Variants in CAMSAP2 observed in about 807,000 individuals in gnomAD.
The protein encoded by CAMSAP2 is calmodulin regulated spectrin associated protein family member 2.
A neutral mutation model predicts 146.1 loss-of-function variants in CAMSAP2; 26 were observed. That is an observed-to-expected ratio of 0.18 (90% confidence interval 0.13 to 0.25). The LOEUF is 0.25. CAMSAP2 is among the 10% of genes least tolerant of loss of function. The pLI, the probability that CAMSAP2 is intolerant of heterozygous loss-of-function variation, is 1.00. For missense variants in CAMSAP2, 1,381 were observed against 1,759.3 expected (o/e 0.78, Z 3.85); for synonymous variants, 499 against 596.6 (o/e 0.84, Z 2.38).
intron 1 of CAMSAP2, 63 bp from the exon 2 acceptor site, chr1:200,760,776 A>G: frequency 8.5e-7 from 1 of 1,179,312 alleles, no homozygotes. Flanking sequence ...ATAATTATTA[A>G]TTAAATTCTA....
chr1:200,793,178 ACT>A (rs1012308230), intron 2 of CAMSAP2, among the ~76,000 whole-genome samples: 53 of 151,948 alleles, frequency 3.5e-4, no homozygotes, highest in Non-Finnish European at 3.4e-4. Flanking sequence ...CATTTCTAAA[ACT>A]CTCTGAGCTT....
intron 2 of CAMSAP2, among the ~76,000 whole-genome samples, chr1:200,785,135 A>G (rs145454327): frequency 0.015 from 2,210 of 152,116 alleles, 29 homozygotes; most frequent in Non-Finnish European, 0.021. Context: ...TCTCTTTTAT[A>G]TATTGTTAGG....
chr1:200,822,438 G>T, intron 4 of CAMSAP2, among the ~76,000 whole-genome samples: 1 of 151,848 alleles, frequency 6.6e-6, no homozygotes. Context: ...TTAAAGAATC[G>T]GGCTATTTTA....
At chr1:200,828,496 T>G in intron 4 of CAMSAP2, 1 of 1,361,830 alleles carries the variant, frequency 7.3e-7, no homozygotes. Flanking sequence ...TACTATAATT[T>G]GTTAATTGAA....
At chr1:200,777,339 AT>A (rs1332805725) in intron 2 of CAMSAP2, among the ~76,000 whole-genome samples, 1 of 152,162 alleles carries the variant, frequency 6.6e-6, no homozygotes, top group African/African-American at 2.4e-5. Context: ...AATGAAAAGG[AT>A]TTAGACTTTT....
Position 200,790,222 on chromosome 1 carries a change from A to G in CAMSAP2, c.400-17154A>G, listed in dbSNP as rs112425187. Among the ~76,000 whole-genome samples, 190 of 152,202 alleles carry G rather than the reference A, an allele frequency of 1.2e-3. 1 individual carries two copies. Among genetic ancestry groups the G allele is most frequent in the African/African-American group, 4.3e-3 (180 of 41,526 alleles). On this transcript the variant is annotated intron_variant, in intron 2 of 16. Transcript: ENST00000358823. ...CCCAGGTCAGTTAGGCTTTGATAGTACCTTAACAGATTAAGCTCTGGTTTA... is the reference window on the plus strand; with the variant it reads ...CCCAGGTCAGTTAGGCTTTGATAGTGCCTTAACAGATTAAGCTCTGGTTTA...
chr1:200,849,440 C>T lies in CAMSAP2; in HGVS notation c.2671C>T (p.Leu891=). 2 of 1,614,194 alleles carry T rather than the reference C, an allele frequency of 1.2e-6. No individual in the cohort carries two copies. Among genetic ancestry groups the T allele is most frequent in the Non-Finnish European group, 1.7e-6 (2 of 1,180,012 alleles). The change falls in exon 11 of 17, where the codon CTG becomes TTG. Residue 891 remains leucine, a synonymous_variant. Transcript: ENST00000358823. This position sits in a 1 kb window ranked among gnomAD's most constrained non-coding sequence, Gnocchi z 6.3. ...ATCCATTGAAAAGTTAAATTCATCCCTGCATTTTCTACAACAAGAAATGCA... is the reference window on the plus strand; with the variant it reads ...ATCCATTGAAAAGTTAAATTCATCCTTGCATTTTCTACAACAAGAAATGCA... The part of the protein sequence containing the change: ...TKSIEKLNSS[L]HFLQQEMQRL...
intron 6 of CAMSAP2, among the ~76,000 whole-genome samples, chr1:200,836,056 A>G (rs933564068): frequency 3.3e-5 from 5 of 151,068 alleles, no homozygotes; most frequent in African/African-American, 1.2e-4. Flanking sequence ...ACTTATTACT[A>G]CCACAGCTTT....
chr1:200,824,260 A>G (rs998643658), intron 4 of CAMSAP2, among the ~76,000 whole-genome samples: 1 of 132,456 alleles, frequency 7.5e-6, no homozygotes, highest in Non-Finnish European at 1.6e-5. Flanking sequence ...GCCCCTCCTT[A>G]TTTAATTTCT....
At position 200,848,928 on chromosome 1, in the gene CAMSAP2, A is replaced by T; in HGVS notation, c.2159A>T (p.Asn720Ile). 1 of 1,614,212 alleles carries T rather than the reference A, an allele frequency of 6.2e-7. No homozygotes were observed. Among genetic ancestry groups the T allele is most frequent in the Non-Finnish European group, 8.5e-7 (1 of 1,180,030 alleles). The change falls in exon 11 of 17, where the codon AAT becomes ATT. Residue 720 changes from asparagine to isoleucine, a missense_variant. Physicochemically the swap from Asn to Ile is moderately radical, Grantham distance 149. Around this residue, in one of 4 missense-constraint regions of CAMSAP2, gnomAD observed 447 missense variants for 462.2 expected, o/e 0.97. Coordinates refer to ENST00000358823, the MANE Select transcript of CAMSAP2 (RefSeq NM_203459.4). ...ACTACACCAGAAGGCTCTGAACTTA[A>T]TATTCCTCATGTGGTTGCTTGGGCA... Reference protein sequence around the residue: ...QKTTPEGSELNIPHVVAWAQI... With the variant: ...QKTTPEGSELIIPHVVAWAQI...
At chr1:200,766,826 T>G (rs1410771649) in intron 2 of CAMSAP2, among the ~76,000 whole-genome samples, 1 of 152,178 alleles carries the variant, frequency 6.6e-6, no homozygotes, top group Non-Finnish European at 1.5e-5. Flanking sequence ...GCCTGGTGGT[T>G]TGTTTGAAAT....
chr1:200,766,876 CCT>C (rs1199263734), intron 2 of CAMSAP2, among the ~76,000 whole-genome samples: 1 of 152,108 alleles, frequency 6.6e-6, no homozygotes, highest in Non-Finnish European at 1.5e-5. Flanking sequence ...AGTAATTTCC[CCT>C]CTCTGTTCCA....
Position 200,832,266 on chromosome 1 carries a change from T to C in CAMSAP2, c.712T>C (p.Leu238=). The C allele has an allele frequency of 6.2e-7, 1 of 1,613,830 alleles. No homozygotes were observed. Among genetic ancestry groups the C allele is most frequent in the East Asian group, 2.2e-5 (1 of 44,848 alleles). ...TTGCATTCCATTGGTAGAAAATTTGTTGAAGGATGGGACAGATGGCTGTGC... is the reference window on the plus strand; with the variant it reads ...TTGCATTCCATTGGTAGAAAATTTGCTGAAGGATGGGACAGATGGCTGTGC... ...LPCIPLVENL[L]KDGTDGCALA... is the part of the protein sequence containing the mutation. The change falls in exon 5 of 17, where the codon TTG becomes CTG. Residue 238 remains leucine, a synonymous_variant. Transcript: ENST00000358823. The surrounding 1 kb of genome is among the most constrained non-coding windows in gnomAD (Gnocchi z 4.2).
At chr1:200,796,415 T>C (rs970504803) in intron 2 of CAMSAP2, among the ~76,000 whole-genome samples, 1 of 152,178 alleles carries the variant, frequency 6.6e-6, no homozygotes, top group African/African-American at 2.4e-5. Flanking sequence ...CCTCCTACTT[T>C]GTTCCCTTTC....
In CAMSAP2 at chr1:200,849,792, C is replaced by T. The variant is rs780293394; in HGVS notation, c.3023C>T (p.Ser1008Leu). The T allele has an allele frequency of 1.9e-6, 3 of 1,614,190 alleles. No homozygotes were observed. In the South Asian group the frequency reaches 3.3e-5, roughly 18 times the overall value. ...VDSLPRLRRFSPSQVPIQTRS... is the reference protein window; with the variant it reads ...VDSLPRLRRFLPSQVPIQTRS... ...AGCCTTCCTCGGTTAAGGAGGTTTTCACCAAGTCAAGTTCCTATTCAAACT... is the reference window on the plus strand; with the variant it reads ...AGCCTTCCTCGGTTAAGGAGGTTTTTACCAAGTCAAGTTCCTATTCAAACT... The change falls in exon 11 of 17, where the codon TCA becomes TTA. Residue 1008 changes from serine (S) to leucine (L), a missense_variant. Coordinates refer to ENST00000358823, the MANE Select transcript of CAMSAP2 (RefSeq NM_203459.4). The surrounding 1 kb of genome is among the most constrained non-coding windows in gnomAD (Gnocchi z 6.3).
At chr1:200,855,041 T>TA (rs1304635056) in intron 14 of CAMSAP2, 152 bp downstream of exon 14, 13 of 538,104 alleles carry the variant, frequency 2.4e-5, no homozygotes, top group Non-Finnish European at 4.2e-5. Context: ...TTAGGACTGT[T>TA]AGAGTTTCTG....
At chr1:200,773,950 A>G (rs1443281704) in intron 2 of CAMSAP2, among the ~76,000 whole-genome samples, 1 of 137,892 alleles carries the variant, frequency 7.3e-6, no homozygotes, top group African/African-American at 2.7e-5. Flanking sequence ...AATAAAATAA[A>G]ATAAATTATT....
In CAMSAP2 at chr1:200,741,713, G is replaced by A. The variant is rs533412460; in HGVS notation, c.139+1747G>A. On this transcript the variant is annotated intron_variant, in intron 1 of 16. Coordinates refer to ENST00000358823, the MANE Select transcript of CAMSAP2 (RefSeq NM_203459.4). Reference sequence around the variant, plus strand: ...TTCTGGGTATGTGTCAGGCAGGTTCGTAGATTCTAGACCACTTGAACATAT... The same window carrying A: ...TTCTGGGTATGTGTCAGGCAGGTTCATAGATTCTAGACCACTTGAACATAT... Among the ~76,000 whole-genome samples, 33 of 152,252 alleles carry A rather than the reference G, an allele frequency of 2.2e-4. 1 individual carries two copies. In the South Asian group the frequency reaches 2.9e-3, roughly 13 times the overall value.
chr1:200,779,990 G>T (rs2103020796), intron 2 of CAMSAP2, among the ~76,000 whole-genome samples: 1 of 152,158 alleles, frequency 6.6e-6, no homozygotes, highest in Non-Finnish European at 1.5e-5. Context: ...ACTATGCATA[G>T]GTACCATGTG....
Sources: gnomAD v4.1 joint callset for allele counts (sites outside exome capture counted in the v4.1 genomes callset) on GRCh38, gnomAD v4.1.1 for gene constraint, gnomAD v4.1.1 regional missense constraint, Gnocchi (gnomAD v3.1) non-coding constraint, MANE v1.5 for transcripts, NCBI Gene and HGNC (gene_info 2026-07-23, HGNC 2026-07-21) for gene names.